The following EEF1AKMT3 variants were observed in gnomAD, a reference collection of about 807,000 sequenced individuals.
The protein encoded by EEF1AKMT3 is eEF1A-KMT3.
In EEF1AKMT3, 17 loss-of-function variants were observed where a neutral mutation model predicts 17.8. The observed-to-expected ratio is 0.96, with a 90% CI of 0.65 to 1.43. EEF1AKMT3 has a LOEUF of 1.43. EEF1AKMT3 is among the 40% of genes most tolerant of loss of function. The pLI, the probability that EEF1AKMT3 is intolerant of heterozygous loss-of-function variation, is 0.00. For missense variants in EEF1AKMT3, 244 were observed against 285.8 expected, an observed-to-expected ratio of 0.85 and a Z score of 1.06; for synonymous variants, 116 against 126.5, an observed-to-expected ratio of 0.92 and a Z score of 0.56.
chr12:57,777,293 A>ATC (rs1955486196), intron 2 of EEF1AKMT3, among the ~76,000 whole-genome samples: 1 of 152,174 alleles, frequency 6.6e-6, no homozygotes, highest in African/African-American at 2.4e-5. Context: ...AAAACTCTTG[A>ATC]TCCTACATCT....
In EEF1AKMT3 at chr12:57,780,255, G is replaced by A. The variant is rs113423250; in HGVS notation, c.290G>A (p.Gly97Glu). Residue 97 changes from glycine to glutamate, a missense_variant and splice_region_variant, in exon 3 of 3, where the codon GGG (glycine) becomes GAG (glutamate). Coordinates refer to ENST00000300209, the MANE Select transcript of EEF1AKMT3 (RefSeq NM_015433.3). Reference protein sequence around the residue: ...GIVGILAALQGGDVTITDLPL... With the variant: ...GIVGILAALQEGDVTITDLPL... ...ATTTTTCCTCCTTCCTCTCTCTCAG[G>A]GGGGGATGTTACCATCACTGACCTG... The A allele has an allele frequency of 2.0e-5, 33 of 1,611,514 alleles. No individual in the cohort carries two copies. The African/African-American group carries it at 2.3e-4, about 11-fold the overall frequency.
rs1346589460 is a variant in EEF1AKMT3, at chr12:57,772,890, G to C, written c.166G>C (p.Val56Leu). ...GTCCCGCCTCGGGGTGGCGGCGCGC[G>C]TGTGGGACGCGGTGAGGAATGGGCT... Reference protein sequence around the residue: ...FGSRLGVAARVWDAALSLCNY... With the variant: ...FGSRLGVAARLWDAALSLCNY... The change falls in exon 1 of 3, where the codon GTG (valine) becomes CTG (leucine). Residue 56 changes from valine (V) to leucine (L), a missense_variant. By Grantham distance (32) the Val-to-Leu change is conservative. Transcript: ENST00000300209. The surrounding 1 kb of genome is among the most constrained non-coding windows in gnomAD (Gnocchi z 4.1). 3.1e-6 allele frequency: 5 copies of C among 1,614,052 alleles called. No homozygotes were observed. Among genetic ancestry groups the C allele is most frequent in the Non-Finnish European group, 4.2e-6 (5 of 1,179,942 alleles).
At chr12:57,776,662 AT>A (rs1955482070) in intron 2 of EEF1AKMT3, among the ~76,000 whole-genome samples, 1 of 151,284 alleles carries the variant, frequency 6.6e-6, no homozygotes, top group Admixed American at 6.6e-5. Flanking sequence ...ATTTTATTTT[AT>A]TTTTTGAGAT....
At chr12:57,778,053 T>G (rs1955490875) in intron 2 of EEF1AKMT3, among the ~76,000 whole-genome samples, 2 of 150,720 alleles carry the variant, frequency 1.3e-5, no homozygotes, top group Non-Finnish European at 3.0e-5. Context: ...CCGTTGGTGA[T>G]CATGACTCTA....
At chr12:57,776,148 G>C (rs2140408243) in intron 2 of EEF1AKMT3, among the ~76,000 whole-genome samples, 1 of 152,278 alleles carries the variant, frequency 6.6e-6, no homozygotes, top group African/African-American at 2.4e-5. Context: ...TTTCAGGATA[G>C]AACCAACACC....
Position 57,772,709 on chromosome 12 carries a change from T to C in EEF1AKMT3, c.-16T>C. Reference sequence around the variant, plus strand: ...AGCGCCGGCCGCGGTGCCCAGGCACTCCCTTGGCGGGCCGGATGGCGGACC... The same window carrying C: ...AGCGCCGGCCGCGGTGCCCAGGCACCCCCTTGGCGGGCCGGATGGCGGACC... On this transcript the variant is annotated 5_prime_UTR_variant, in exon 1 of 3. Coordinates refer to ENST00000300209, the MANE Select transcript of EEF1AKMT3 (RefSeq NM_015433.3). This position sits in a 1 kb window ranked among gnomAD's most constrained non-coding sequence, Gnocchi z 4.1. 6.2e-7 allele frequency: 1 copy of C among 1,608,080 alleles called. No homozygotes were observed. The highest frequency in any genetic ancestry group is 2.2e-5 in the East Asian group (1 of 44,820).
rs142740139 is a variant in EEF1AKMT3 at position 57,773,511 on chromosome 12, G to A, written c.289+383G>A. On this transcript the variant is annotated intron_variant, in intron 2 of 2. Transcript: ENST00000300209. ...GCTGCTATCCCCACTAACTGCAACC[G>A]CTGCCTCCCGGGTTCAAGCAATTCT... Among the ~76,000 whole-genome samples, 1,214 of 151,860 alleles carry A rather than the reference G, an allele frequency of 8.0e-3. 15 individuals carry two copies. Among genetic ancestry groups the A allele is most frequent in the African/African-American group, 0.028 (1,147 of 41,426 alleles).
intron 2 of EEF1AKMT3, 59 bp downstream of exon 2, chr12:57,773,187 C>T: frequency 6.6e-7 from 1 of 1,510,032 alleles, no homozygotes; most frequent in Non-Finnish European, 9.2e-7. Context: ...GAGAAATGGT[C>T]ACTTCGTGGA....
rs147513405 is a variant in EEF1AKMT3 at position 57,773,047 on chromosome 12, C to G, written c.208C>G (p.Gln70Glu). Residue 70 changes from glutamine (Q) to glutamate (E), a missense_variant, in exon 2 of 3, where the codon CAA becomes GAA. Coordinates refer to ENST00000300209, the MANE Select transcript of EEF1AKMT3 (RefSeq NM_015433.3). Reference protein sequence around the residue: ...ALSLCNYFESQNVDFRGKKVI... With the variant: ...ALSLCNYFESENVDFRGKKVI... Reference sequence around the variant, plus strand: ...GAGCCTGTGCAATTATTTCGAGAGTCAAAATGTGGATTTCCGAGGCAAGAA... The same window carrying G: ...GAGCCTGTGCAATTATTTCGAGAGTGAAAATGTGGATTTCCGAGGCAAGAA... 1.3e-4 allele frequency: 215 copies of G among 1,613,966 alleles called. No homozygotes were observed. Among genetic ancestry groups the G allele is most frequent in the Non-Finnish European group, 1.7e-4 (200 of 1,180,026 alleles).
chr12:57,778,505 G>T (rs1955494089), intron 2 of EEF1AKMT3, among the ~76,000 whole-genome samples: 2 of 151,272 alleles, frequency 1.3e-5, no homozygotes, highest in South Asian at 4.2e-4. Flanking sequence ...TTGCTATGTT[G>T]CCCAGACTGG....
rs1955507799 is a variant in EEF1AKMT3, at chr12:57,780,625, C to G, written c.660C>G (p.His220Gln). Residue 220 changes from histidine (H) to glutamine (Q), a missense_variant, in exon 3 of 3, where the codon CAC (histidine) becomes CAG (glutamine). By Grantham distance (24) the His-to-Gln change is conservative. Transcript: ENST00000300209. Reference protein sequence around the residue: ...DENVNIYRARHREPRPA With the variant: ...DENVNIYRARQREPRPA ...ATGTCAACATCTATAGGGCCAGGCA[C>G]AGGGAACCAAGACCTGCTTGACATC... 2 of 1,609,288 alleles carry G rather than the reference C, an allele frequency of 1.2e-6. No individual in the cohort carries two copies. The highest frequency in any genetic ancestry group is 1.3e-5 in the African/African-American group (1 of 74,936).
Position 57,772,766 on chromosome 12 carries a change from G to C in EEF1AKMT3, c.42G>C (p.Ser14=), listed in dbSNP as rs765667926. 2 of 1,614,140 alleles carry C rather than the reference G, an allele frequency of 1.2e-6. No individual in the cohort carries two copies. Among genetic ancestry groups the C allele is most frequent in the Non-Finnish European group, 1.7e-6 (2 of 1,179,980 alleles). ...PGPDPESESE[S]VFPREVGLFA... ...CAGATCCCGAATCTGAGTCGGAATC[G>C]GTGTTCCCGCGGGAGGTCGGGCTCT... is the stretch of plus-strand genomic sequence containing the variant. Residue 14 remains serine (S), a synonymous_variant, in exon 1 of 3, where the codon TCG becomes TCC. Coordinates refer to ENST00000300209, the MANE Select transcript of EEF1AKMT3 (RefSeq NM_015433.3). The surrounding 1 kb of genome is among the most constrained non-coding windows in gnomAD (Gnocchi z 4.1).
rs4760323 is a variant in EEF1AKMT3 at position 57,776,119 on chromosome 12, T to A, written c.289+2991T>A. Reference sequence around the variant, plus strand: ...AATCATGTATTCCCACCCCAAATCTTTCAGTGGCCTCTTGTTGCTTTCAGG... The same window carrying A: ...AATCATGTATTCCCACCCCAAATCTATCAGTGGCCTCTTGTTGCTTTCAGG... On this transcript the variant is annotated intron_variant, in intron 2 of 2. Transcript: ENST00000300209. Among the ~76,000 whole-genome samples the A allele has an allele frequency of 3.9e-3, 592 of 152,286 alleles. 17 individuals carry two copies. In the South Asian group the frequency reaches 0.068, roughly 17 times the overall value.
At chr12:57,775,866 C>T (rs1345250970) in intron 2 of EEF1AKMT3, among the ~76,000 whole-genome samples, 1 of 152,110 alleles carries the variant, frequency 6.6e-6, no homozygotes, top group East Asian at 1.9e-4. Context: ...TTTGACACGA[C>T]CCTCTTTCTC....
Position 57,772,649 on chromosome 12 carries a change from C to G in EEF1AKMT3, c.-76C>G. ...CAGGGACACCACGACGGCTCGCGGCCCCCAGCCTCTACCCCGCTCCGGATC... is the reference window on the plus strand; with the variant it reads ...CAGGGACACCACGACGGCTCGCGGCGCCCAGCCTCTACCCCGCTCCGGATC... On this transcript the variant is annotated 5_prime_UTR_variant, in exon 1 of 3. Transcript: ENST00000300209. This position sits in a 1 kb window ranked among gnomAD's most constrained non-coding sequence, Gnocchi z 4.1. The G allele has an allele frequency of 6.8e-7, 1 of 1,473,242 alleles. No individual in the cohort carries two copies. The highest frequency in any genetic ancestry group is 9.1e-7 in the Non-Finnish European group (1 of 1,104,060). The allele number at this position is 1,473,242 out of a possible 1,614,324, so 91.3% of individuals were successfully genotyped here.
chr12:57,779,716 A>C (rs549784727), intron 2 of EEF1AKMT3, among the ~76,000 whole-genome samples: 7 of 152,298 alleles, frequency 4.6e-5, no homozygotes, highest in Admixed American at 4.6e-4. Flanking sequence ...GAATCTTCTT[A>C]GCATGTCATA....
At chr12:57,773,291 T>C (rs1336479572) in intron 2 of EEF1AKMT3, among the ~76,000 whole-genome samples, 163 bp downstream of exon 2, 1 of 152,130 alleles carries the variant, frequency 6.6e-6, no homozygotes, top group Non-Finnish European at 1.5e-5. Flanking sequence ...TATTTTGGCG[T>C]CTGCTTCTGC....
chr12:57,780,263 G>T lies in EEF1AKMT3; in HGVS notation c.298G>T (p.Val100Phe). 6.2e-7 allele frequency: 1 copy of T among 1,612,284 alleles called. No homozygotes were observed. Among genetic ancestry groups the T allele is most frequent in the Non-Finnish European group, 8.5e-7 (1 of 1,179,572 alleles). Residue 100 changes from valine to phenylalanine, a missense_variant, in exon 3 of 3, where the codon GTT becomes TTT. Transcript: ENST00000300209. ...GILAALQGGDVTITDLPLALE... is the reference protein window; with the variant it reads ...GILAALQGGDFTITDLPLALE... ...TCCTTCCTCTCTCTCAGGGGGGGATGTTACCATCACTGACCTGCCCCTGGC... is the reference window on the plus strand; with the variant it reads ...TCCTTCCTCTCTCTCAGGGGGGGATTTTACCATCACTGACCTGCCCCTGGC...
intron 2 of EEF1AKMT3, among the ~76,000 whole-genome samples, chr12:57,779,448 A>G (rs1186754023): frequency 3.3e-5 from 5 of 152,152 alleles, no homozygotes; most frequent in Non-Finnish European, 5.9e-5. Flanking sequence ...AATAAATATG[A>G]ATGAATGAAT....
Sources: allele counts gnomAD v4.1 joint callset (sites outside exome capture counted in the v4.1 genomes callset), GRCh38; gene constraint gnomAD v4.1.1; non-coding constraint Gnocchi (gnomAD v3.1); transcripts MANE v1.5; gene names NCBI Gene and HGNC (gene_info 2026-07-23, HGNC 2026-07-21).